Variants in TMEM132B observed in about 807,000 individuals in gnomAD.
The protein encoded by TMEM132B is transmembrane protein 132B.
Under a neutral mutation model 90.8 loss-of-function variants are expected in TMEM132B, and 18 were observed. The ratio of observed to expected loss-of-function variants is 0.20; its 90% CI spans 0.14 to 0.29. The LOEUF (loss-of-function observed/expected upper bound fraction) is 0.29. Ranked by LOEUF, TMEM132B falls within the 10% of genes least tolerant of loss-of-function variation. The probability of loss-of-function intolerance (pLI) is 1.00; values close to 1 mark genes in which losing one functional copy is unlikely to be tolerated. For synonymous variants in TMEM132B, 504 were observed against 523.3 expected, an observed-to-expected ratio of 0.96 and a Z score of 0.50; for missense variants, 1,096 against 1,326.8, an observed-to-expected ratio of 0.83 and a Z score of 2.70.
intron 5 of TMEM132B, among the ~76,000 whole-genome samples, chr12:125,611,187 A>G (rs1218276930): frequency 6.6e-6 from 1 of 152,074 alleles, no homozygotes; most frequent in East Asian, 1.9e-4. Flanking sequence ...CTGTTTGCAC[A>G]CAAGTATTCA....
chr12:125,648,769 A>C (rs1886832784), intron 6 of TMEM132B, among the ~76,000 whole-genome samples: 1 of 152,190 alleles, frequency 6.6e-6, no homozygotes, highest in Non-Finnish European at 1.5e-5. Context: ...TTACCCATTA[A>C]TTTAAAGGAA....
Position 125,458,159 on chromosome 12 carries a change from G to T in TMEM132B, c.1106+42482G>T, listed in dbSNP as rs994697192. 6.6e-6 allele frequency among the ~76,000 whole-genome samples: 1 copy of T among 152,094 alleles called. No homozygotes were observed. Among genetic ancestry groups the T allele is most frequent in the Non-Finnish European group, 1.5e-5 (1 of 68,014 alleles). On this transcript the variant is annotated intron_variant, in intron 3 of 8. Coordinates refer to ENST00000682704, the MANE Select transcript of TMEM132B (RefSeq NM_001366854.1). This position sits in a 1 kb window ranked among gnomAD's most constrained non-coding sequence, Gnocchi z 4.9. ...AGCAGGACTCAGGGACAGAATCTGTGTGGGGGATGGAGCTGAGTGGGAGGC... is the reference window on the plus strand; with the variant it reads ...AGCAGGACTCAGGGACAGAATCTGTTTGGGGGATGGAGCTGAGTGGGAGGC...
At chr12:125,378,321 C>A (rs549777186) in intron 2 of TMEM132B, among the ~76,000 whole-genome samples, 7 of 152,210 alleles carry the variant, frequency 4.6e-5, no homozygotes, top group Non-Finnish European at 1.0e-4. Context: ...CATGGACCAG[C>A]TGTGAGCTGA....
At chr12:125,389,052 ACACAAAC>A (rs1878930964) in intron 2 of TMEM132B, among the ~76,000 whole-genome samples, 1 of 151,154 alleles carries the variant, frequency 6.6e-6, no homozygotes, top group African/African-American at 2.4e-5. Flanking sequence ...ACACACACAC[ACACAAAC>A]ACACAAGATT....
rs144272602 is a variant in TMEM132B at position 125,536,229 on chromosome 12, G to A, written c.1293+16604G>A. Among the ~76,000 whole-genome samples, 327 of 152,312 alleles carry A rather than the reference G, an allele frequency of 2.1e-3. 3 individuals carry two copies. Among genetic ancestry groups the A allele is most frequent in the Middle Eastern group, 0.014 (4 of 294 alleles). ...GGTGACAGACTGCTGCACAGAGTTGGTTGCATGTCAGAGTTAAACAGAGGC... is the reference window on the plus strand; with the variant it reads ...GGTGACAGACTGCTGCACAGAGTTGATTGCATGTCAGAGTTAAACAGAGGC... On this transcript the variant is annotated intron_variant, in intron 4 of 8. Coordinates refer to ENST00000682704, the MANE Select transcript of TMEM132B (RefSeq NM_001366854.1).
chr12:125,222,119 G>A (rs1216072251), intron 1 of TMEM132B, among the ~76,000 whole-genome samples: 7 of 152,186 alleles, frequency 4.6e-5, no homozygotes, highest in Non-Finnish European at 8.8e-5. Context: ...CAGGAAGAAG[G>A]TGAGATAACA....
intron 2 of TMEM132B, among the ~76,000 whole-genome samples, chr12:125,394,215 G>A (rs955697051): frequency 2.0e-4 from 30 of 152,326 alleles, no homozygotes; most frequent in African/African-American, 7.0e-4. Flanking sequence ...GAAAACTGAG[G>A]CTCAGAGAGG....
chr12:125,342,095 G>C (rs1019265281), intron 1 of TMEM132B, among the ~76,000 whole-genome samples: 7 of 152,078 alleles, frequency 4.6e-5, no homozygotes, highest in Admixed American at 3.9e-4. Flanking sequence ...GCCATTCTGT[G>C]GACTCTGATA....
rs2136825665 is a variant in TMEM132B, at chr12:125,570,129, A to G, written c.1294-13722A>G. Among the ~76,000 whole-genome samples the G allele has an allele frequency of 2.6e-5, 4 of 152,270 alleles. 1 individual carries two copies. On this transcript the variant is annotated intron_variant, in intron 4 of 8. Transcript: ENST00000682704. ...TCCACCCCGGGCAGTATGCGAGCCA[A>G]TGGGAAAAAAGAAACCTGGTCCTTG...
chr12:125,472,156 A>C (rs1881741049), intron 3 of TMEM132B, among the ~76,000 whole-genome samples: 1 of 152,202 alleles, frequency 6.6e-6, no homozygotes, highest in African/African-American at 2.4e-5. Flanking sequence ...AGGCTGAATC[A>C]GTGTCTTGAG....
At chr12:125,276,670 A>T (rs1278651374) in intron 1 of TMEM132B, among the ~76,000 whole-genome samples, 1 of 152,108 alleles carries the variant, frequency 6.6e-6, no homozygotes, top group African/African-American at 2.4e-5. Context: ...CCTGTCTGTT[A>T]AGCAGTGCTT....
At chr12:125,361,991 C>T (rs569923824) in intron 2 of TMEM132B, among the ~76,000 whole-genome samples, 1,890 of 152,334 alleles carry the variant, frequency 0.012, 44 homozygotes, top group African/African-American at 0.042. Context: ...TACCAAGCCA[C>T]ACTTAGATAT....
intron 3 of TMEM132B, among the ~76,000 whole-genome samples, chr12:125,489,678 C>T (rs1304993961): frequency 6.6e-6 from 1 of 152,142 alleles, no homozygotes; most frequent in Non-Finnish European, 1.5e-5. Flanking sequence ...TCCCAAAGTA[C>T]TGGAATTACA....
intron 1 of TMEM132B, among the ~76,000 whole-genome samples, chr12:125,328,460 C>A (rs572915235): frequency 6.6e-6 from 1 of 152,308 alleles, no homozygotes; most frequent in South Asian, 2.1e-4. Context: ...TTTTGAAGGG[C>A]AGATGTCCAA....
At chr12:125,200,569 G>T (rs1365984684) in intron 1 of TMEM132B, among the ~76,000 whole-genome samples, 3 of 152,164 alleles carry the variant, frequency 2.0e-5, no homozygotes, top group East Asian at 3.9e-4. Flanking sequence ...GCATAGAAAG[G>T]GAGTTCAGAA....
rs368647634 is a variant in TMEM132B, at chr12:125,654,419, C to T, written c.2961C>T (p.Asn987=). The T allele has an allele frequency of 4.5e-5, 72 of 1,613,566 alleles. No individual in the cohort carries two copies. The highest frequency in any genetic ancestry group is 1.8e-4 in the Middle Eastern group (1 of 5,588). ...GGGGCCTGCAGTTCGAGGAGAGGAA[C>T]TTCCTTCTGAATGGCAGTTCCCAGA... The part of the protein sequence containing the change: ...IDRGLQFEER[N]FLLNGSSQKT... Residue 987 remains asparagine, a synonymous_variant, in exon 9 of 9, where the codon AAC becomes AAT. Coordinates refer to ENST00000682704, the MANE Select transcript of TMEM132B (RefSeq NM_001366854.1). This position sits in a 1 kb window ranked among gnomAD's most constrained non-coding sequence, Gnocchi z 5.8.
chr12:125,270,739 C>T (rs1439220701), intron 1 of TMEM132B, among the ~76,000 whole-genome samples: 2 of 127,174 alleles, frequency 1.6e-5, no homozygotes, highest in African/African-American at 6.0e-5. Context: ...ATCCCTTGCA[C>T]TCATGGTTTT....
At chr12:125,487,946 C>G (rs772946419) in intron 3 of TMEM132B, among the ~76,000 whole-genome samples, 15 of 152,022 alleles carry the variant, frequency 9.9e-5, no homozygotes, top group Non-Finnish European at 1.8e-4. Flanking sequence ...TTAAATGTTT[C>G]CTGTGTCTTG....
chr12:125,575,652 G>T (rs1884925407), intron 4 of TMEM132B, among the ~76,000 whole-genome samples: 1 of 151,872 alleles, frequency 6.6e-6, no homozygotes, highest in Admixed American at 6.6e-5. Flanking sequence ...AAGTCATGAA[G>T]ATTTATACCT....
Sources: gnomAD v4.1 joint callset for allele counts (sites outside exome capture counted in the v4.1 genomes callset) on GRCh38, gnomAD v4.1.1 for gene constraint, Gnocchi (gnomAD v3.1) non-coding constraint, MANE v1.5 for transcripts, NCBI Gene and HGNC (gene_info 2026-07-23, HGNC 2026-07-21) for gene names.